PTPRA: variants seen among roughly 807,000 people sequenced by gnomAD.
The protein encoded by PTPRA is receptor-type tyrosine-protein phosphatase alpha.
A neutral mutation model predicts 104.8 loss-of-function variants in PTPRA; 25 were observed. The ratio of observed to expected loss-of-function variants is 0.24; its 90% CI spans 0.17 to 0.33. PTPRA has a LOEUF of 0.33. PTPRA is among the 10% of genes least tolerant of loss of function. The pLI is 1.00. For missense variants in PTPRA, 765 were observed against 1,015.3 expected (o/e 0.75, Z 3.35); for synonymous variants, 323 against 368.9 (o/e 0.88, Z 1.43).
Position 2,987,960 on chromosome 20 carries a change from A to T in PTPRA, c.528-72A>T, listed in dbSNP as rs777818255. 1.2e-5 allele frequency: 16 copies of T among 1,316,864 alleles called. No homozygotes were observed. The East Asian group carries it at 3.2e-4, about 26-fold the overall frequency. 81.6% of individuals were successfully genotyped at this position (1,316,864 alleles called of 1,614,324 possible). A position where few individuals can be genotyped will look rare whatever the true frequency, so the allele number is the denominator to read the frequency against. ...ATTTAGAAAGGCTGAATTGATGAGCAGGAATACAGAGGTGTGATTTGCCTC... is the reference window on the plus strand; with the variant it reads ...ATTTAGAAAGGCTGAATTGATGAGCTGGAATACAGAGGTGTGATTTGCCTC... On this transcript the variant is annotated intron_variant, in intron 7 of 23. Transcript: ENST00000399903.
rs373252476 is a variant in PTPRA at position 2,989,817 on chromosome 20, A to G, written c.738+1343A>G. 2.1e-4 allele frequency among the ~76,000 whole-genome samples: 32 copies of G among 152,238 alleles called. No homozygotes were observed. The East Asian group carries it at 5.2e-3, about 25-fold the overall frequency. On this transcript the variant is annotated intron_variant, in intron 9 of 23. Coordinates refer to ENST00000399903, the MANE Select transcript of PTPRA (RefSeq NM_001385305.1). ...CGGATCACAAGGTCAGGAGATCGAG[A>G]CCATCCTGGCTAACACAGTGAAACC...
intron 1 of PTPRA, among the ~76,000 whole-genome samples, chr20:2,902,822 A>G (rs887589357): frequency 6.6e-6 from 1 of 152,200 alleles, no homozygotes; most frequent in Non-Finnish European, 1.5e-5. Context: ...GCTGAGTTTT[A>G]TAATGAGCAC....
At chr20:2,883,073 C>T (rs118114765) in intron 1 of PTPRA, among the ~76,000 whole-genome samples, 2,092 of 151,252 alleles carry the variant, frequency 0.014, 108 homozygotes, top group Admixed American at 0.089. Context: ...CAGCCTTGAC[C>T]TCCTGGGCTC....
At chr20:2,983,104 A>G (rs2062756921) in intron 6 of PTPRA, among the ~76,000 whole-genome samples, 1 of 152,184 alleles carries the variant, frequency 6.6e-6, no homozygotes, top group African/African-American at 2.4e-5. Context: ...AAATGAGGAA[A>G]CTGAGACTTA....
At chr20:3,018,431 C>G (rs543807810) in intron 13 of PTPRA, among the ~76,000 whole-genome samples, 99 of 151,218 alleles carry the variant, frequency 6.5e-4, no homozygotes, top group South Asian at 1.3e-3. Flanking sequence ...TGACTCTTAA[C>G]GAGCCTGCTG....
chr20:2,980,544 C>T (rs556086770), intron 6 of PTPRA, among the ~76,000 whole-genome samples: 68 of 151,310 alleles, frequency 4.5e-4, no homozygotes, highest in African/African-American at 1.5e-3. Flanking sequence ...AGTGAGACTC[C>T]GTCTCGAGAA....
At chr20:2,966,065 C>T (rs1157229049) in intron 5 of PTPRA, among the ~76,000 whole-genome samples, 1 of 152,174 alleles carries the variant, frequency 6.6e-6, no homozygotes, top group Admixed American at 6.5e-5. Flanking sequence ...AATCACATCT[C>T]GCTCATGTGG....
At chr20:2,982,493 T>C (rs1484240241) in intron 6 of PTPRA, among the ~76,000 whole-genome samples, 1 of 152,114 alleles carries the variant, frequency 6.6e-6, no homozygotes, top group Non-Finnish European at 1.5e-5. Flanking sequence ...TTTGTGCCTG[T>C]TATGTGTGAG....
At chr20:2,980,567 C>A (rs899236550) in intron 6 of PTPRA, among the ~76,000 whole-genome samples, 1 of 151,198 alleles carries the variant, frequency 6.6e-6, no homozygotes, top group East Asian at 2.0e-4. Flanking sequence ...GAAAAAAAAA[C>A]GCAATGCAGC....
At chr20:2,887,638 A>G (rs2090457693) in intron 1 of PTPRA, among the ~76,000 whole-genome samples, 1 of 152,228 alleles carries the variant, frequency 6.6e-6, no homozygotes, top group African/African-American at 2.4e-5. Flanking sequence ...GTTCTTAAAT[A>G]TTGATTGACA....
In PTPRA at chr20:2,887,161, T is replaced by C. The variant is rs569600044; in HGVS notation, c.-129+13401T>C. ...ACATAATGAGAAATATTTAATCATA[T>C]GGATTGCACTAAAATATTTTTAAGA... On this transcript the variant is annotated intron_variant, in intron 1 of 23. Transcript: ENST00000399903. 1.2e-4 allele frequency among the ~76,000 whole-genome samples: 19 copies of C among 152,336 alleles called. No homozygotes were observed. The South Asian group carries it at 3.9e-3, about 32-fold the overall frequency.
At chr20:3,012,210 G>A (rs2064205928) in intron 11 of PTPRA, among the ~76,000 whole-genome samples, 1 of 152,222 alleles carries the variant, frequency 6.6e-6, no homozygotes, top group Non-Finnish European at 1.5e-5. Context: ...AAGTGTTCAA[G>A]GCAGGGAGTA....
chr20:2,927,036 C>A, intron 2 of PTPRA, among the ~76,000 whole-genome samples: 1 of 151,996 alleles, frequency 6.6e-6, no homozygotes, highest in East Asian at 1.9e-4. Flanking sequence ...AGTGATCCGC[C>A]CGCCTCGGCC....
chr20:2,896,637 C>G (rs923069441), intron 1 of PTPRA, among the ~76,000 whole-genome samples: 1 of 152,152 alleles, frequency 6.6e-6, no homozygotes, highest in African/African-American at 2.4e-5. Context: ...TTCCTGAAAA[C>G]AAGGATACTC....
intron 3 of PTPRA, among the ~76,000 whole-genome samples, chr20:2,948,613 T>A (rs1385393160): frequency 1.3e-5 from 2 of 152,150 alleles, no homozygotes; most frequent in Non-Finnish European, 2.9e-5. Flanking sequence ...CTGCCTGGTG[T>A]CAGCACTTCC....
In PTPRA at chr20:2,944,039, CT is replaced by C. The variant is rs398061270; in HGVS notation, c.-49-3923del. On this transcript the variant is annotated intron_variant, in intron 2 of 23. Coordinates refer to ENST00000399903, the MANE Select transcript of PTPRA (RefSeq NM_001385305.1). The stretch of plus-strand genomic sequence containing the variant: ...GTAGCTGTTTGGTTCCTCTACTGGT[CT>C]TTTTTTTTTTTTTTTTTTTAGACAG... 3.8e-3 allele frequency among the ~76,000 whole-genome samples: 479 copies of C among 127,574 alleles called. 7 individuals are homozygous for C. In the East Asian group the frequency reaches 0.065, roughly 17 times the overall value. The allele number at this position is 127,574 out of a possible 152,430, so 83.7% of individuals were successfully genotyped here.
intron 4 of PTPRA, 24 bp downstream of exon 4, chr20:2,964,374 G>A: frequency 6.5e-7 from 1 of 1,543,118 alleles, no homozygotes; most frequent in Non-Finnish European, 8.8e-7. Context: ...TGATAAGGCT[G>A]CTATTTGAAA....
At chr20:2,936,988 A>G (rs1268990345) in intron 2 of PTPRA, among the ~76,000 whole-genome samples, 1 of 151,852 alleles carries the variant, frequency 6.6e-6, no homozygotes. Context: ...CTCTTTATAA[A>G]GTTTTTTGTG....
rs1173593772 is a variant in PTPRA, at chr20:2,873,546, G to C, written c.-343G>C. 3 of 151,564 alleles carry C rather than the reference G, an allele frequency of 2.0e-5. No individual in the cohort carries two copies. Among genetic ancestry groups the C allele is most frequent in the African/African-American group, 4.8e-5 (2 of 41,382 alleles). 9.4% of individuals were successfully genotyped at this position (151,564 alleles called of 1,614,324 possible). A position where few individuals can be genotyped will look rare whatever the true frequency, so the allele number is the denominator to read the frequency against. ...GACGCGCGCGCGCGCGATCGCGCTC[G>C]GACCCCGGCCGCTGCCGCCATCACT... On this transcript the variant is annotated 5_prime_UTR_variant, in exon 1 of 24. Transcript: ENST00000399903. This position sits in a 1 kb window ranked among gnomAD's most constrained non-coding sequence, Gnocchi z 4.4.
Sources: allele counts gnomAD v4.1 joint callset (sites outside exome capture counted in the v4.1 genomes callset), GRCh38; gene constraint gnomAD v4.1.1; non-coding constraint Gnocchi (gnomAD v3.1); transcripts MANE v1.5; gene names NCBI Gene and HGNC (gene_info 2026-07-23, HGNC 2026-07-21).